PDE10A: variants seen among roughly 807,000 people sequenced by gnomAD.
PDE10A encodes phosphodiesterase 10A, also known as cAMP and cAMP-inhibited cGMP 3',5'-cyclic phosphodiesterase 10A.
PDE10A carries 39 observed loss-of-function variants against 97.7 expected under a neutral mutation model. That is an observed-to-expected ratio of 0.40 (90% confidence interval 0.31 to 0.52). The LOEUF (loss-of-function observed/expected upper bound fraction) is 0.52, where lower values mean the gene tolerates loss of function less well. Ranked by LOEUF, PDE10A falls within the 20% of genes least tolerant of loss-of-function variation. The pLI is 0.56. For synonymous variants in PDE10A, 371 were observed against 376.8 expected (o/e 0.98, Z 0.18); for missense variants, 731 against 1,047.8 (o/e 0.70, Z 4.17).
chr6:165,924,250 C>T (rs1043708209), intron 1 of PDE10A, among the ~76,000 whole-genome samples: 4 of 152,158 alleles, frequency 2.6e-5, no homozygotes, highest in African/African-American at 9.7e-5. Context: ...TAGAAGATCT[C>T]CCTCTAGGCA....
In PDE10A at chr6:165,384,631, AGTGTGTGT is replaced by A. The variant is rs57175607; in HGVS notation, c.2610+3659_2610+3666del. Among the ~76,000 whole-genome samples the A allele has an allele frequency of 2.5e-4, 17 of 67,020 alleles. 1 individual carries two copies. The highest frequency in any genetic ancestry group is 9.5e-4 in the South Asian group (2 of 2,106). The allele number at this position is 67,020 out of a possible 152,430, so 44.0% of individuals were successfully genotyped here. ...TAACGTGTGTGTGTATGTGTGAGTG[AGTGTGTGT>A]GTGTGTGTGTGTGTGTGTGTGTGTG... On this transcript the variant is annotated intron_variant, in intron 17 of 21. Transcript: ENST00000539869.
At chr6:165,835,516 T>C (rs1780041724) in intron 1 of PDE10A, among the ~76,000 whole-genome samples, 1 of 152,246 alleles carries the variant, frequency 6.6e-6, no homozygotes, top group African/African-American at 2.4e-5. Context: ...ACGAGCTTCC[T>C]TCCTCCCTGC....
rs542213821 is a variant in PDE10A at position 165,917,952 on chromosome 6, G to A, written c.-615+69577C>T. ...GCCCTGTGATTCCAGCCACTGGCGC[G>A]CTGTCTTATCACCCACAAATGGTTG... On this transcript the variant is annotated intron_variant, in intron 1 of 19. Transcript: ENST00000366882. Among the ~76,000 whole-genome samples, 4 of 152,286 alleles carry A rather than the reference G, an allele frequency of 2.6e-5. No homozygotes were observed. In the South Asian group the frequency reaches 8.3e-4, roughly 32 times the overall value.
chr6:165,466,003 T>C (rs1438235260), intron 3 of PDE10A, among the ~76,000 whole-genome samples: 1 of 152,130 alleles, frequency 6.6e-6, no homozygotes, highest in African/African-American at 2.4e-5. Context: ...GACAGAACGA[T>C]CATGGCTGAT....
rs1279756453 is a variant in PDE10A, at chr6:165,388,936, G to C, written c.2455-483C>G. On this transcript the variant is annotated intron_variant, in intron 16 of 21. Transcript: ENST00000539869. The surrounding 1 kb of genome is among the most constrained non-coding windows in gnomAD (Gnocchi z 4.0). Reference sequence around the variant, plus strand: ...ATATATAGAAAAAAAGGCAGAGCAGGCTAAAGGAAATTAGAGAAAGTCAGG... The same window carrying C: ...ATATATAGAAAAAAAGGCAGAGCAGCCTAAAGGAAATTAGAGAAAGTCAGG... 6.6e-6 allele frequency among the ~76,000 whole-genome samples: 1 copy of C among 152,180 alleles called. No homozygotes were observed. The highest frequency in any genetic ancestry group is 2.4e-5 in the African/African-American group (1 of 41,442).
At chr6:165,946,194 A>C (rs1485412511) in intron 1 of PDE10A, among the ~76,000 whole-genome samples, 1 of 152,214 alleles carries the variant, frequency 6.6e-6, no homozygotes, top group Non-Finnish European at 1.5e-5. Context: ...TAGTGACTAT[A>C]GTTAATAAGA....
At position 165,929,536 on chromosome 6, in the gene PDE10A, G is replaced by A. The variant is rs182681275; in HGVS notation, c.-615+57993C>T. Among the ~76,000 whole-genome samples the A allele has an allele frequency of 4.6e-5, 7 of 152,328 alleles. No individual in the cohort carries two copies. In the East Asian group the frequency reaches 1.3e-3, roughly 29 times the overall value. ...ACGGGACCCGGAGTGACCACTGTGT[G>A]GGGCTGGATGCCGCGACACCCTATG... On this transcript the variant is annotated intron_variant, in intron 1 of 19. Coordinates refer to the PDE10A transcript ENST00000366882.
At chr6:165,962,901 C>G (rs1290337344) in intron 1 of PDE10A, among the ~76,000 whole-genome samples, 4 of 152,152 alleles carry the variant, frequency 2.6e-5, no homozygotes, top group African/African-American at 7.2e-5. Flanking sequence ...TAACCTGTGG[C>G]TTAGGTGCCA....
At chr6:165,392,887 AC>A in intron 15 of PDE10A, 91 bp from the exon 16 acceptor site, 2 of 1,116,394 alleles carry the variant, frequency 1.8e-6, no homozygotes, top group Non-Finnish European at 2.7e-6. Flanking sequence ...ATATGTCTGT[AC>A]CCTTATACAT....
intron 1 of PDE10A, among the ~76,000 whole-genome samples, chr6:165,589,871 C>CA (rs1250266851): frequency 0.011 from 1,615 of 151,558 alleles, 39 homozygotes; most frequent in African/African-American, 0.037. Flanking sequence ...CACTAAAAAA[C>CA]AAAAAAAATT....
At chr6:165,954,074 G>T (rs1287887551) in intron 1 of PDE10A, among the ~76,000 whole-genome samples, 1 of 152,138 alleles carries the variant, frequency 6.6e-6, no homozygotes, top group African/African-American at 2.4e-5. Flanking sequence ...GTCTTTTCCT[G>T]ACAACAGCTC....
At chr6:165,470,608 G>A (rs1397315706) in intron 3 of PDE10A, among the ~76,000 whole-genome samples, 1 of 152,042 alleles carries the variant, frequency 6.6e-6, no homozygotes, top group Non-Finnish European at 1.5e-5. Context: ...TTTCTTTCTA[G>A]TTCTTCCTCT....
At chr6:165,384,627 AGTGAGTGTGTGTGTGTGTGTGTGTGTGT>A (rs1439069075) in intron 17 of PDE10A, among the ~76,000 whole-genome samples, 1 of 60,652 alleles carries the variant, frequency 1.6e-5, no homozygotes, top group Admixed American at 1.7e-4. Context: ...TGTATGTGTG[AGTGAGTGTGTGTGTGTGTGTGTGTGTGT>A]GTGTGTGTGT....
intron 1 of PDE10A, among the ~76,000 whole-genome samples, chr6:165,821,360 G>C (rs1401265083): frequency 6.6e-6 from 1 of 152,128 alleles, no homozygotes; most frequent in Non-Finnish European, 1.5e-5. Context: ...TCATGATCGT[G>C]ACAACAGAGT....
At chr6:165,355,264 T>G (rs1231512560) in intron 18 of PDE10A, among the ~76,000 whole-genome samples, 1 of 152,188 alleles carries the variant, frequency 6.6e-6, no homozygotes, top group Non-Finnish European at 1.5e-5. Flanking sequence ...TTGAAGGATA[T>G]TAGTGAGTAT....
At chr6:165,403,224 T>C (rs1482856790) in intron 13 of PDE10A, among the ~76,000 whole-genome samples, 1 of 152,224 alleles carries the variant, frequency 6.6e-6, no homozygotes, top group Non-Finnish European at 1.5e-5. Context: ...CAGCACTGTG[T>C]TGCCACATCA....
intron 3 of PDE10A, among the ~76,000 whole-genome samples, chr6:165,462,055 C>T (rs1778358108): frequency 6.6e-6 from 1 of 152,174 alleles, no homozygotes; most frequent in Non-Finnish European, 1.5e-5. Flanking sequence ...TGTTAAATGT[C>T]ACCTTTTGCA....
At chr6:165,688,493 A>G (rs1791184945) in intron 1 of PDE10A, among the ~76,000 whole-genome samples, 1 of 152,218 alleles carries the variant, frequency 6.6e-6, no homozygotes, top group African/African-American at 2.4e-5. Context: ...AAGCCAGAGT[A>G]GGAAATTCCA....
chr6:165,503,905 C>T (rs541349420), intron 2 of PDE10A, among the ~76,000 whole-genome samples: 15 of 152,210 alleles, frequency 9.9e-5, no homozygotes, highest in East Asian at 7.7e-4. Flanking sequence ...AATAAGATTA[C>T]GTAATAAATT....
Sources: gnomAD v4.1 joint callset for allele counts (sites outside exome capture counted in the v4.1 genomes callset) on GRCh38, gnomAD v4.1.1 for gene constraint, Gnocchi (gnomAD v3.1) non-coding constraint, MANE v1.5 for transcripts, NCBI Gene and HGNC (gene_info 2026-07-23, HGNC 2026-07-21) for gene names.